MSRB3: variants seen among roughly 807,000 people sequenced by gnomAD.
MSRB3 encodes the protein methionine sulfoxide reductase B3, also known as methionine-R-sulfoxide reductase B3.
MSRB3 carries 13 observed loss-of-function variants against 21.0 expected under a neutral mutation model. The observed-to-expected ratio is 0.62, with a 90% CI of 0.40 to 0.98. MSRB3 has a LOEUF of 0.98. Among genes scored for constraint, MSRB3 ranks in the 50% least tolerant of loss-of-function variants. MSRB3 has a pLI of 0.00. For missense variants in MSRB3, 199 were observed against 230.3 expected (o/e 0.86, Z 0.88); for synonymous variants, 87 against 88.6 (o/e 0.98, Z 0.10).
chr12:65,337,430 CAAAAAAAAAAAAAAA>C (rs780302211), intron 4 of MSRB3, among the ~76,000 whole-genome samples: 43 of 43,576 alleles, frequency 9.9e-4, no homozygotes, highest in African/African-American at 3.2e-3. Context: ...GAGACTACAT[CAAAAAAAAAAAAAAA>C]AAAAAAAAAA....
At chr12:65,387,773 G>C (rs1450041923) in intron 5 of MSRB3, among the ~76,000 whole-genome samples, 1 of 151,956 alleles carries the variant, frequency 6.6e-6, no homozygotes, top group Non-Finnish European at 1.5e-5. Flanking sequence ...CAAAGTGCTT[G>C]GTATACATTA....
chr12:65,406,659 T>G (rs1880430381), intron 5 of MSRB3, among the ~76,000 whole-genome samples: 1 of 152,168 alleles, frequency 6.6e-6, no homozygotes. Flanking sequence ...GAACAAAGAT[T>G]GCAGCATCAC....
At chr12:65,425,795 A>G (rs907920939) in intron 5 of MSRB3, among the ~76,000 whole-genome samples, 4 of 152,172 alleles carry the variant, frequency 2.6e-5, no homozygotes, top group South Asian at 2.1e-4. Context: ...CCATCATTAC[A>G]TTATAAAAGT....
chr12:65,309,862 G>GGTCCT (rs1873884959), intron 2 of MSRB3, among the ~76,000 whole-genome samples: 1 of 152,154 alleles, frequency 6.6e-6, no homozygotes, highest in African/African-American at 2.4e-5. Context: ...GGCTGGTTTG[G>GGTCCT]ATGTGCAAGG....
chr12:65,383,299 C>T (rs1879039880), intron 5 of MSRB3, among the ~76,000 whole-genome samples: 1 of 152,120 alleles, frequency 6.6e-6, no homozygotes, highest in Non-Finnish European at 1.5e-5. Context: ...AGTTTAGTGC[C>T]TAGCAGAAAT....
intron 5 of MSRB3, among the ~76,000 whole-genome samples, chr12:65,431,044 T>A (rs1361527704): frequency 1.3e-5 from 2 of 152,126 alleles, no homozygotes; most frequent in African/African-American, 4.8e-5. Context: ...AATACTTCAT[T>A]AGATTACTTT....
intron 4 of MSRB3, among the ~76,000 whole-genome samples, chr12:65,348,899 G>C (rs1876727909): frequency 6.6e-6 from 1 of 150,380 alleles, no homozygotes; most frequent in African/African-American, 2.5e-5. Context: ...GTGCGGTTTT[G>C]AGTGAGTTTC....
chr12:65,356,084 T>C (rs1877364766), intron 4 of MSRB3, among the ~76,000 whole-genome samples: 1 of 151,898 alleles, frequency 6.6e-6, no homozygotes, highest in Non-Finnish European at 1.5e-5. Flanking sequence ...GTTCTTGATA[T>C]TGAATATTTG....
intron 4 of MSRB3, among the ~76,000 whole-genome samples, chr12:65,348,746 A>G (rs1876712100): frequency 6.6e-6 from 1 of 152,132 alleles, no homozygotes; most frequent in Admixed American, 6.6e-5. Flanking sequence ...TTCCCCCTAC[A>G]CACGGCTTTC....
At chr12:65,360,262 A>G (rs1390140390) in intron 4 of MSRB3, among the ~76,000 whole-genome samples, 2 of 152,118 alleles carry the variant, frequency 1.3e-5, no homozygotes, top group East Asian at 1.9e-4. Context: ...AATTCATCCA[A>G]TAACATGAAG....
At chr12:65,381,689 G>A (rs1399184123) in intron 5 of MSRB3, among the ~76,000 whole-genome samples, 3 of 151,824 alleles carry the variant, frequency 2.0e-5, no homozygotes, top group Non-Finnish European at 4.4e-5. Context: ...TTTATAAGAG[G>A]TTCTTTTGAT....
intron 4 of MSRB3, among the ~76,000 whole-genome samples, chr12:65,364,660 A>G (rs1877904277): frequency 1.3e-5 from 2 of 152,116 alleles, no homozygotes; most frequent in Admixed American, 1.3e-4. Flanking sequence ...CATTTGCCGT[A>G]TATTCATCCT....
At chr12:65,338,209 G>A (rs1291202462) in intron 4 of MSRB3, among the ~76,000 whole-genome samples, 1 of 151,926 alleles carries the variant, frequency 6.6e-6, no homozygotes, top group East Asian at 1.9e-4. Flanking sequence ...TGTATTTTCT[G>A]ATTTCTGTGG....
intron 4 of MSRB3, among the ~76,000 whole-genome samples, chr12:65,344,662 A>T (rs1592544312): frequency 6.6e-6 from 1 of 151,916 alleles, no homozygotes; most frequent in South Asian, 2.1e-4. Flanking sequence ...TCAATGTGGA[A>T]GTTTATACGG....
intron 2 of MSRB3, among the ~76,000 whole-genome samples, chr12:65,314,924 C>T (rs1287511047): frequency 6.6e-6 from 1 of 152,128 alleles, no homozygotes; most frequent in Admixed American, 6.5e-5. Flanking sequence ...TTTATCTAAA[C>T]ATATTCACAA....
At chr12:65,369,132 G>T in intron 5 of MSRB3, 106 bp downstream of exon 5, 1 of 842,448 alleles carries the variant, frequency 1.2e-6, no homozygotes, top group Non-Finnish European at 1.9e-6. Flanking sequence ...CAGACTAGGC[G>T]GTTTCTTTCC....
intron 1 of MSRB3, 49 bp downstream of exon 1, chr12:65,278,914 C>T (rs1414067341): frequency 6.5e-7 from 1 of 1,543,858 alleles, no homozygotes; most frequent in South Asian, 1.2e-5. Context: ...CCCCTCCCAC[C>T]CCGACCCTGC....
intron 6 of MSRB3, among the ~76,000 whole-genome samples, chr12:65,454,581 T>C (rs1883007873): frequency 6.6e-6 from 1 of 152,196 alleles, no homozygotes; most frequent in African/African-American, 2.4e-5. Context: ...GAAATGGCTT[T>C]TCTTAGGTGG....
chr12:65,418,607 T>C, intron 5 of MSRB3: 1 of 575,912 alleles, frequency 1.7e-6, no homozygotes, highest in Non-Finnish European at 3.1e-6. Flanking sequence ...TTCTCGTAGT[T>C]TTACAGTTTC....
Sources: gnomAD v4.1 joint callset for allele counts (sites outside exome capture counted in the v4.1 genomes callset) on GRCh38, gnomAD v4.1.1 for gene constraint, MANE v1.5 for transcripts, NCBI Gene and HGNC (gene_info 2026-07-23, HGNC 2026-07-21) for gene names.